Variants in FBRSL1 observed in about 807,000 individuals in gnomAD.
FBRSL1 encodes the protein fibrosin like 1.
Under a neutral mutation model 89.6 loss-of-function variants are expected in FBRSL1, and 51 were observed. The observed-to-expected ratio is 0.57, with a 90% CI of 0.45 to 0.72. FBRSL1 has a LOEUF of 0.72. Among genes scored for constraint, FBRSL1 ranks in the 30% least tolerant of loss-of-function variants. FBRSL1 has a pLI of 0.00. For synonymous variants in FBRSL1, 779 were observed against 681.1 expected (o/e 1.14, Z -2.24); for missense variants, 1,618 against 1,451.8 (o/e 1.11, Z -1.86).
intron 6 of FBRSL1, 26 bp downstream of exon 6, chr12:132,567,552 C>G (rs950723911): frequency 6.5e-7 from 1 of 1,547,946 alleles, no homozygotes; most frequent in Non-Finnish European, 8.7e-7. Flanking sequence ...CGGCCCAGCT[C>G]CTGGGCCTCT....
chr12:132,576,709 C>T, intron 14 of FBRSL1, 90 bp from the exon 15 acceptor site: 7 of 1,429,098 alleles, frequency 4.9e-6, no homozygotes, highest in East Asian at 2.5e-5. Context: ...GACTGGCTCA[C>T]ACCCAGTCCC....
rs1280475322 is a variant in FBRSL1 at position 132,582,085 on chromosome 12, C to T, written c.2020C>T (p.Pro674Ser). ...AGCTCCCGGTGGCAGCATCTTTGCC[C>T]CCAAGGAGGGCTCCTCCGTGCACGG... ...ALAPGGSIFA[P>S]KEGSSVHGLP... is the part of the protein sequence containing the mutation. Residue 674 changes from proline (P) to serine (S), a missense_variant, in exon 18 of 19, where the codon CCC becomes TCC. Transcript: ENST00000680143. The T allele has an allele frequency of 1.3e-6, 2 of 1,548,516 alleles. No homozygotes were observed. Among genetic ancestry groups the T allele is most frequent in the Admixed American group, 2.0e-5 (1 of 50,948 alleles).
At chr12:132,532,795 CCCTGAGGAA>C (rs1356166869) in intron 4 of FBRSL1, among the ~76,000 whole-genome samples, 1 of 152,186 alleles carries the variant, frequency 6.6e-6, no homozygotes, top group East Asian at 1.9e-4. Context: ...GCCCTGAGGC[CCCTGAGGAA>C]GGAGCCCACC....
chr12:132,534,531 C>T (rs576077237), intron 4 of FBRSL1, among the ~76,000 whole-genome samples: 8 of 152,362 alleles, frequency 5.3e-5, no homozygotes, highest in Middle Eastern at 3.4e-3. Flanking sequence ...TCCTCGCCAC[C>T]TCCCTGCCCC....
intron 5 of FBRSL1, among the ~76,000 whole-genome samples, chr12:132,564,824 T>G (rs928333290): frequency 6.7e-6 from 1 of 150,192 alleles, no homozygotes; most frequent in African/African-American, 2.5e-5. Flanking sequence ...AGAGACGGGG[T>G]TTCACCGTGT....
chr12:132,491,616 G>C (rs1360441268), intron 1 of FBRSL1, among the ~76,000 whole-genome samples: 2 of 152,226 alleles, frequency 1.3e-5, no homozygotes, highest in South Asian at 2.1e-4. Context: ...GCTGGACTTT[G>C]ACTCCCAGAA....
chr12:132,491,594 G>T (rs943526911), intron 1 of FBRSL1, among the ~76,000 whole-genome samples: 2 of 152,216 alleles, frequency 1.3e-5, no homozygotes, highest in Non-Finnish European at 2.9e-5. Flanking sequence ...TTACTTTGGG[G>T]GACCCTCATC....
At chr12:132,522,292 A>G (rs923611959) in intron 2 of FBRSL1, among the ~76,000 whole-genome samples, 4 of 148,436 alleles carry the variant, frequency 2.7e-5, no homozygotes, top group African/African-American at 9.8e-5. Context: ...CAGTGGAACC[A>G]TGTTTCTGTG....
At chr12:132,512,340 C>A (rs1004214440) in intron 2 of FBRSL1, among the ~76,000 whole-genome samples, 1 of 152,262 alleles carries the variant, frequency 6.6e-6, no homozygotes, top group African/African-American at 2.4e-5. Flanking sequence ...GAGCATGGTT[C>A]AGCCCAGCAT....
chr12:132,558,163 C>T (rs1000017391), intron 5 of FBRSL1, among the ~76,000 whole-genome samples: 2 of 152,204 alleles, frequency 1.3e-5, no homozygotes, highest in African/African-American at 4.8e-5. Flanking sequence ...GGCCAGCACC[C>T]TGGGCCTGAC....
At chr12:132,578,341 TCTCA>T (rs2040508972) in intron 15 of FBRSL1, among the ~76,000 whole-genome samples, 1 of 28,648 alleles carries the variant, frequency 3.5e-5, no homozygotes, top group Non-Finnish European at 7.9e-5. Flanking sequence ...CAAGACCCTG[TCTCA>T]CACACACACA....
intron 1 of FBRSL1, among the ~76,000 whole-genome samples, chr12:132,506,440 C>T (rs1275115254): frequency 6.6e-6 from 1 of 152,198 alleles, no homozygotes; most frequent in Non-Finnish European, 1.5e-5. Flanking sequence ...GTCCCGCCTC[C>T]TCAGATCTGC....
intron 2 of FBRSL1, chr12:132,510,561 G>T (rs1336861150): frequency 8.1e-7 from 1 of 1,230,916 alleles, no homozygotes; most frequent in African/African-American, 1.6e-5. Context: ...ATGCTTTGCC[G>T]GACTAGCCTG....
At chr12:132,555,948 G>T (rs975163690) in intron 5 of FBRSL1, among the ~76,000 whole-genome samples, 2 of 152,076 alleles carry the variant, frequency 1.3e-5, no homozygotes, top group Admixed American at 6.5e-5. Context: ...TCCAGGAGGC[G>T]CTGCCATCCA....
intron 15 of FBRSL1, among the ~76,000 whole-genome samples, chr12:132,577,402 G>C (rs955985644): frequency 6.6e-6 from 1 of 152,164 alleles, no homozygotes. Context: ...TTGGCCTCTC[G>C]CTGAACAGTA....
At chr12:132,506,290 C>T (rs2033675178) in intron 1 of FBRSL1, among the ~76,000 whole-genome samples, 1 of 152,202 alleles carries the variant, frequency 6.6e-6, no homozygotes, top group Non-Finnish European at 1.5e-5. Flanking sequence ...AACACTAGAG[C>T]AGGTTTACAG....
chr12:132,569,112 A>C (rs2039832619), intron 6 of FBRSL1, among the ~76,000 whole-genome samples: 1 of 151,634 alleles, frequency 6.6e-6, no homozygotes. Context: ...ACCCCAGGCA[A>C]CAGGAGCTCC....
At chr12:132,543,616 C>T (rs2037443559) in intron 4 of FBRSL1, among the ~76,000 whole-genome samples, 1 of 151,786 alleles carries the variant, frequency 6.6e-6, no homozygotes, top group Non-Finnish European at 1.5e-5. Flanking sequence ...AGACCAAGCC[C>T]ATGTGCCCCC....
intron 2 of FBRSL1, among the ~76,000 whole-genome samples, chr12:132,519,022 A>G (rs955982145): frequency 2.0e-5 from 3 of 152,240 alleles, no homozygotes; most frequent in Admixed American, 1.3e-4. Flanking sequence ...TCTGAATCAC[A>G]ATAGAAGAAG....
Sources: allele counts gnomAD v4.1 joint callset (sites outside exome capture counted in the v4.1 genomes callset), GRCh38; gene constraint gnomAD v4.1.1; transcripts MANE v1.5; gene names NCBI Gene and HGNC (gene_info 2026-07-23, HGNC 2026-07-21).